Variants in PRDM6 observed in about 807,000 individuals in gnomAD.
PRDM6 encodes PR/SET domain 6, also known as putative histone-lysine N-methyltransferase PRDM6.
In PRDM6, 25 loss-of-function variants were observed where a neutral mutation model predicts 60.8. The ratio of observed to expected loss-of-function variants is 0.41; its 90% CI spans 0.30 to 0.57. The LOEUF is 0.57. Among genes scored for constraint, PRDM6 ranks in the 20% least tolerant of loss-of-function variants. The pLI, the probability that PRDM6 is intolerant of heterozygous loss-of-function variation, is 0.27. For synonymous variants in PRDM6, 407 were observed against 357.4 expected, an observed-to-expected ratio of 1.14 and a Z score of -1.57; for missense variants, 839 against 821.3, an observed-to-expected ratio of 1.02 and a Z score of -0.26.
intron 3 of PRDM6, among the ~76,000 whole-genome samples, chr5:123,106,168 C>T (rs966593896): frequency 1.3e-5 from 2 of 152,214 alleles, no homozygotes; most frequent in East Asian, 3.8e-4. Context: ...AAGTAAAGTA[C>T]TGACAGCACA....
chr5:123,099,940 G>T lies in PRDM6; in HGVS notation c.879G>T (p.Arg293Ser). 1 of 1,529,264 alleles carries T rather than the reference G, an allele frequency of 6.5e-7. No individual in the cohort carries two copies. The highest frequency in any genetic ancestry group is 8.8e-7 in the Non-Finnish European group (1 of 1,132,626). The allele number at this position is 1,529,264 out of a possible 1,614,324, so 94.7% of individuals were successfully genotyped here. A position where few individuals can be genotyped will look rare whatever the true frequency, so the allele number is the denominator to read the frequency against. Residue 293 changes from arginine to serine, a missense_variant, in exon 3 of 8, where the codon AGG (arginine) becomes AGT (serine). Around this residue, in one of 2 missense-constraint regions of PRDM6, gnomAD observed 730 missense variants for 648.8 expected, o/e 1.13. Coordinates refer to ENST00000407847, the MANE Select transcript of PRDM6 (RefSeq NM_001136239.4). The surrounding 1 kb of genome is among the most constrained non-coding windows in gnomAD (Gnocchi z 4.0). ...PPEKVQAGAV[R>S]NTQHLWEIYD... ...AGAAGGTGCAGGCAGGCGCCGTGAGGAACACGCAGCATCTCTGGGAGGTAA... is the reference window on the plus strand; with the variant it reads ...AGAAGGTGCAGGCAGGCGCCGTGAGTAACACGCAGCATCTCTGGGAGGTAA...
chr5:123,174,652 A>G (rs569876085), intron 6 of PRDM6, among the ~76,000 whole-genome samples: 38 of 152,318 alleles, frequency 2.5e-4, no homozygotes, highest in Non-Finnish European at 5.1e-4. Flanking sequence ...CATGTGAGAT[A>G]CCATCAAAAG....
Position 123,090,253 on chromosome 5 carries a change from C to G in PRDM6, c.239C>G (p.Ser80Trp), listed in dbSNP as rs572367200. 3.4e-6 allele frequency: 5 copies of G among 1,486,844 alleles called. No homozygotes were observed. Among genetic ancestry groups the G allele is most frequent in the Non-Finnish European group, 4.5e-6 (5 of 1,118,670 alleles). 92.1% of individuals were successfully genotyped at this position (1,486,844 alleles called of 1,614,324 possible). ...RPRPASLSSA[S>W]STPASSSTSA... is the part of the protein sequence containing the mutation. Reference sequence around the variant, plus strand: ...CGGCCCGCCTCTCTCTCCTCCGCCTCGTCCACGCCGGCTTCCTCTTCCACC... The same window carrying G: ...CGGCCCGCCTCTCTCTCCTCCGCCTGGTCCACGCCGGCTTCCTCTTCCACC... The change falls in exon 2 of 8, where the codon TCG (serine) becomes TGG (tryptophan). Residue 80 changes from serine to tryptophan, a missense_variant. By Grantham distance (177) the Ser-to-Trp change is radical (BLOSUM62 -3). Coordinates refer to ENST00000407847, the MANE Select transcript of PRDM6 (RefSeq NM_001136239.4).
chr5:123,115,632 A>G (rs1764422644), intron 3 of PRDM6, among the ~76,000 whole-genome samples: 1 of 152,220 alleles, frequency 6.6e-6, no homozygotes, highest in Non-Finnish European at 1.5e-5. Flanking sequence ...TTCTTATTGC[A>G]GTTAGTATTT....
chr5:123,175,920 A>G (rs1477903571), intron 6 of PRDM6, among the ~76,000 whole-genome samples: 2 of 152,208 alleles, frequency 1.3e-5, no homozygotes, highest in Non-Finnish European at 2.9e-5. Flanking sequence ...CAGGAGTGCC[A>G]GGAGATGTGC....
At chr5:123,120,570 T>A (rs1764558808) in intron 3 of PRDM6, among the ~76,000 whole-genome samples, 1 of 152,200 alleles carries the variant, frequency 6.6e-6, no homozygotes. Context: ...AATTTTAAAT[T>A]CTCACAGCTC....
rs937263886 is a variant in PRDM6 at position 123,190,299 on chromosome 5, G to C, written c.*3098G>C. On this transcript the variant is annotated 3_prime_UTR_variant, in exon 8 of 8. Transcript: ENST00000407847. Reference sequence around the variant, plus strand: ...GAAAAGTCAGGGTGCAATAGGATGAGAGATGGAGCTGCAGACCTTTGCATT... The same window carrying C: ...GAAAAGTCAGGGTGCAATAGGATGACAGATGGAGCTGCAGACCTTTGCATT... 1.4e-4 allele frequency: 22 copies of C among 152,198 alleles called. No homozygotes were observed. The highest frequency in any genetic ancestry group is 1.2e-3 in the Admixed American group (18 of 15,278). 9.4% of individuals were successfully genotyped at this position (152,198 alleles called of 1,614,324 possible).
Position 123,170,633 on chromosome 5 carries a change from G to A in PRDM6, c.1154-133G>A, listed in dbSNP as rs141416561. On this transcript the variant is annotated intron_variant, in intron 5 of 7. Coordinates refer to ENST00000407847, the MANE Select transcript of PRDM6 (RefSeq NM_001136239.4). ...TTTTTCCCCTCAAATCAGATGGTTT[G>A]TTATGTTAATTCTGAGTCCAGAAAC... is the stretch of plus-strand genomic sequence containing the variant. 4 of 687,300 alleles carry A rather than the reference G, an allele frequency of 5.8e-6. No individual in the cohort carries two copies. The African/African-American group carries it at 7.2e-5, about 12-fold the overall frequency. The allele number at this position is 687,300 out of a possible 1,614,324, so 42.6% of individuals were successfully genotyped here.
chr5:123,155,262 CTTTTTTT>C (rs759225954), intron 3 of PRDM6, among the ~76,000 whole-genome samples: 1 of 92,738 alleles, frequency 1.1e-5, no homozygotes, highest in African/African-American at 4.1e-5. Flanking sequence ...GAGGGTCTCT[CTTTTTTT>C]TTTTTTTTTT....
intron 3 of PRDM6, among the ~76,000 whole-genome samples, chr5:123,110,178 A>G (rs1279050027): frequency 6.6e-6 from 1 of 152,234 alleles, no homozygotes; most frequent in Non-Finnish European, 1.5e-5. Context: ...AGATGAAAAA[A>G]TAAACATAAT....
intron 3 of PRDM6, among the ~76,000 whole-genome samples, chr5:123,139,647 T>C (rs1171676359): frequency 6.6e-6 from 1 of 152,170 alleles, no homozygotes; most frequent in African/African-American, 2.4e-5. Context: ...TCACTCACTG[T>C]GTGTGGCCTG....
intron 3 of PRDM6, among the ~76,000 whole-genome samples, chr5:123,121,566 G>T (rs1228999039): frequency 6.6e-6 from 1 of 151,986 alleles, no homozygotes; most frequent in Non-Finnish European, 1.5e-5. Flanking sequence ...GTTGGACTAT[G>T]TAAATGTAAA....
At chr5:123,105,199 C>T (rs1005418508) in intron 3 of PRDM6, among the ~76,000 whole-genome samples, 5 of 152,194 alleles carry the variant, frequency 3.3e-5, no homozygotes, top group Admixed American at 2.6e-4. Flanking sequence ...AAATAATTCA[C>T]AAATATTTAC....
intron 6 of PRDM6, among the ~76,000 whole-genome samples, chr5:123,179,462 C>T (rs1348008675): frequency 6.6e-6 from 1 of 152,224 alleles, no homozygotes; most frequent in African/African-American, 2.4e-5. Flanking sequence ...CAAAGAGACA[C>T]ATCTGGGTGT....
intron 5 of PRDM6, among the ~76,000 whole-genome samples, chr5:123,166,003 T>C (rs12656337): frequency 0.27 from 41,379 of 152,042 alleles, 6,198 homozygotes; most frequent in East Asian, 0.59. Context: ...GATTAGATTC[T>C]AAACATCTCT....
intron 3 of PRDM6, among the ~76,000 whole-genome samples, chr5:123,149,907 A>G (rs1765336353): frequency 1.3e-5 from 2 of 152,210 alleles, no homozygotes; most frequent in South Asian, 4.1e-4. Flanking sequence ...GTAAATTACA[A>G]AATGATTAAA....
At position 123,090,486 on chromosome 5, in the gene PRDM6, G is replaced by C. The variant is rs1056506862; in HGVS notation, c.472G>C (p.Gly158Arg). Residue 158 changes from glycine (G) to arginine (R), a missense_variant, in exon 2 of 8, where the codon GGG (glycine) becomes CGG (arginine). Transcript: ENST00000407847. ...VKCGGGGGGG[G>R]EGRGAPRFRC... Reference sequence around the variant, plus strand: ...GTGCGGTGGTGGTGGCGGCGGCGGCGGGGAGGGTCGCGGCGCCCCGCGCTT... The same window carrying C: ...GTGCGGTGGTGGTGGCGGCGGCGGCCGGGAGGGTCGCGGCGCCCCGCGCTT... 3.3e-4 allele frequency: 494 copies of C among 1,486,104 alleles called. 2 individuals are homozygous for C. Among genetic ancestry groups the C allele is most frequent in the Non-Finnish European group, 2.5e-4 (278 of 1,126,832 alleles). The allele number at this position is 1,486,104 out of a possible 1,614,324, so 92.1% of individuals were successfully genotyped here.
intron 4 of PRDM6, among the ~76,000 whole-genome samples, chr5:123,159,293 A>T (rs867051415): frequency 1.3e-5 from 2 of 152,126 alleles, no homozygotes; most frequent in Non-Finnish European, 2.9e-5. Context: ...CAGCCAGTTC[A>T]TTCTAGGGAG....
chr5:123,145,944 A>G (rs1213851830), intron 3 of PRDM6, among the ~76,000 whole-genome samples: 1 of 152,140 alleles, frequency 6.6e-6, no homozygotes, highest in East Asian at 1.9e-4. Context: ...CATTGGGACA[A>G]ACATTCTGTG....
Sources: gnomAD v4.1 joint callset for allele counts (sites outside exome capture counted in the v4.1 genomes callset) on GRCh38, gnomAD v4.1.1 for gene constraint, gnomAD v4.1.1 regional missense constraint, Gnocchi (gnomAD v3.1) non-coding constraint, MANE v1.5 for transcripts, NCBI Gene and HGNC (gene_info 2026-07-23, HGNC 2026-07-21) for gene names.